Variants in AP3B1 observed in about 807,000 individuals in gnomAD.
The protein encoded by AP3B1 is AP-3 complex subunit beta-1.
AP3B1 carries 61 observed loss-of-function variants against 132.5 expected under a neutral mutation model. That is an observed-to-expected ratio of 0.46 (90% confidence interval 0.37 to 0.57). The LOEUF (loss-of-function observed/expected upper bound fraction) is 0.57, where lower values mean the gene tolerates loss of function less well. Among genes scored for constraint, AP3B1 ranks in the 20% least tolerant of loss-of-function variants. The pLI is 0.00. For synonymous variants in AP3B1, 388 were observed against 438.3 expected, an observed-to-expected ratio of 0.89 and a Z score of 1.43; for missense variants, 1,120 against 1,289.4, an observed-to-expected ratio of 0.87 and a Z score of 2.01.
At chr5:78,143,612 C>T (rs551441498) in intron 14 of AP3B1, among the ~76,000 whole-genome samples, 75 of 152,254 alleles carry the variant, frequency 4.9e-4, no homozygotes, top group Non-Finnish European at 5.6e-4. Context: ...CCTTTCTCTT[C>T]CCATTAAGCA....
At chr5:78,014,882 T>A (rs897999346) in intron 26 of AP3B1, among the ~76,000 whole-genome samples, 1 of 152,230 alleles carries the variant, frequency 6.6e-6, no homozygotes, top group Non-Finnish European at 1.5e-5. Context: ...ATATTTCAGA[T>A]GCTTGGTGAT....
At chr5:78,223,027 C>CTTTTTTTTTTTT (rs1554077324) in intron 6 of AP3B1, among the ~76,000 whole-genome samples, 19 of 127,812 alleles carry the variant, frequency 1.5e-4, no homozygotes, top group African/African-American at 5.5e-4. Flanking sequence ...TTGTTTGTTT[C>CTTTTTTTTTTTT]TTTTTTTTTT....
intron 2 of AP3B1, among the ~76,000 whole-genome samples, chr5:78,258,736 G>A (rs964647176): frequency 3.9e-5 from 6 of 152,184 alleles, no homozygotes; most frequent in East Asian, 1.9e-4. Context: ...AGAGACATCC[G>A]CACTCCAATG....
intron 24 of AP3B1, among the ~76,000 whole-genome samples, chr5:78,026,840 G>A (rs1747358963): frequency 6.6e-6 from 1 of 152,078 alleles, no homozygotes; most frequent in East Asian, 1.9e-4. Flanking sequence ...TGGGTAAAAT[G>A]TTTTAATTTT....
chr5:78,285,749 T>C (rs1749251101), intron 1 of AP3B1, among the ~76,000 whole-genome samples: 1 of 152,236 alleles, frequency 6.6e-6, no homozygotes, highest in Admixed American at 6.5e-5. Context: ...GCAAAAAACT[T>C]TGTATCCACC....
chr5:78,139,791 AAGAG>A (rs955632591), intron 15 of AP3B1, among the ~76,000 whole-genome samples: 4 of 152,134 alleles, frequency 2.6e-5, no homozygotes, highest in African/African-American at 7.2e-5. Flanking sequence ...CAAATACAAA[AAGAG>A]AGAAACAAAC....
chr5:78,064,399 A>T lies in AP3B1; in HGVS notation c.2577+24994T>A, dbSNP rs1309018423. 2.0e-5 allele frequency among the ~76,000 whole-genome samples: 3 copies of T among 152,266 alleles called. No homozygotes were observed. In the South Asian group the frequency reaches 6.2e-4, roughly 32 times the overall value. On this transcript the variant is annotated intron_variant, in intron 22 of 26. Transcript: ENST00000255194. ...GTATTATAAAGGCAGCTGCTTGCCT[A>T]TCATTTGTACTTTCCTTGTTAATCC...
At chr5:78,096,662 G>A (rs1372598492) in intron 21 of AP3B1, among the ~76,000 whole-genome samples, 33 of 140,976 alleles carry the variant, frequency 2.3e-4, no homozygotes, top group African/African-American at 8.0e-4. Flanking sequence ...GCCCGGCCGC[G>A]ACTCCGTCTG....
At chr5:78,187,930 A>C (rs1198668460) in intron 7 of AP3B1, among the ~76,000 whole-genome samples, 1 of 152,152 alleles carries the variant, frequency 6.6e-6, no homozygotes, top group Non-Finnish European at 1.5e-5. Context: ...ATAAAACCAC[A>C]CATCTACAAC....
intron 7 of AP3B1, among the ~76,000 whole-genome samples, chr5:78,183,791 C>G (rs1268160198): frequency 6.7e-6 from 1 of 149,872 alleles, no homozygotes; most frequent in Non-Finnish European, 1.5e-5. Context: ...TGCTTGAGCT[C>G]ATGAGGCGGA....
chr5:78,226,256 A>G (rs1318978931), intron 5 of AP3B1, among the ~76,000 whole-genome samples: 1 of 152,140 alleles, frequency 6.6e-6, no homozygotes, highest in Admixed American at 6.5e-5. Flanking sequence ...GTTTCTAAGG[A>G]GAAAAGGTGA....
chr5:78,172,860 C>T (rs757350843), intron 11 of AP3B1, among the ~76,000 whole-genome samples: 2 of 152,234 alleles, frequency 1.3e-5, no homozygotes, highest in Non-Finnish European at 2.9e-5. Context: ...GTTAGGGTGT[C>T]GATTTTAGAT....
At chr5:78,159,867 A>C (rs1442159230) in intron 13 of AP3B1, among the ~76,000 whole-genome samples, 3 of 152,248 alleles carry the variant, frequency 2.0e-5, no homozygotes, top group African/African-American at 7.2e-5. Context: ...TCAGAAGCAC[A>C]AAATGATCCT....
chr5:78,215,960 T>A, intron 7 of AP3B1, 95 bp downstream of exon 7: 1 of 1,149,158 alleles, frequency 8.7e-7, no homozygotes, highest in South Asian at 1.3e-5. Flanking sequence ...TATGCAGATT[T>A]CTCTAGTTTA....
chr5:78,260,584 A>G (rs1748048013), intron 2 of AP3B1, among the ~76,000 whole-genome samples: 1 of 151,958 alleles, frequency 6.6e-6, no homozygotes, highest in Admixed American at 6.6e-5. Context: ...ACGGAGCGAG[A>G]CTCCATCTCA....
rs1750416069 is a variant in AP3B1 at position 78,089,440 on chromosome 5, C to A, written c.2530G>T (p.Ala844Ser). 5 of 1,613,418 alleles carry A rather than the reference C, an allele frequency of 3.1e-6. No homozygotes were observed. The highest frequency in any genetic ancestry group is 3.4e-6 in the Non-Finnish European group (4 of 1,179,536). The change falls in exon 22 of 27, where the codon GCT (alanine) becomes TCT (serine). Residue 844 changes from alanine to serine, a missense_variant. Around this residue, in one of 3 missense-constraint regions of AP3B1, gnomAD observed 906 missense variants for 997.1 expected, o/e 0.91. Transcript: ENST00000255194. ...PTPALSPSLMADLEGLHLSTS... is the reference protein window; with the variant it reads ...PTPALSPSLMSDLEGLHLSTS... ...GACAAGTGTAAACCTTCAAGATCAG[C>A]CATCAAACTTGGAGAAAGAGCTGGT...
At chr5:78,264,403 T>C (rs1369626087) in intron 2 of AP3B1, among the ~76,000 whole-genome samples, 1 of 152,190 alleles carries the variant, frequency 6.6e-6, no homozygotes, top group Non-Finnish European at 1.5e-5. Context: ...ACAGTAACTC[T>C]TAAGAATCAA....
chr5:78,254,364 A>G (rs867831575), intron 2 of AP3B1, among the ~76,000 whole-genome samples: 1 of 152,210 alleles, frequency 6.6e-6, no homozygotes, highest in Non-Finnish European at 1.5e-5. Flanking sequence ...CAAGAAGGTT[A>G]TAGAACATCA....
chr5:78,238,117 G>A (rs1746959610), intron 3 of AP3B1, among the ~76,000 whole-genome samples: 1 of 152,156 alleles, frequency 6.6e-6, no homozygotes, highest in African/African-American at 2.4e-5. Context: ...GCTCTTCATT[G>A]CTCGCATTAC....
Sources: gnomAD v4.1 joint callset for allele counts (sites outside exome capture counted in the v4.1 genomes callset) on GRCh38, gnomAD v4.1.1 for gene constraint, gnomAD v4.1.1 regional missense constraint, MANE v1.5 for transcripts, NCBI Gene and HGNC (gene_info 2026-07-23, HGNC 2026-07-21) for gene names.